The following R3HDM1 variants were observed in gnomAD, a reference collection of about 807,000 sequenced individuals.
R3HDM1 encodes R3H domain-containing protein 1.
In R3HDM1, 46 loss-of-function variants were observed where a neutral mutation model predicts 141.1. The ratio of observed to expected loss-of-function variants is 0.33; its 90% CI spans 0.26 to 0.42. The LOEUF is 0.42. Ranked by LOEUF, R3HDM1 falls within the 10% of genes least tolerant of loss-of-function variation. The pLI is 1.00. For missense variants in R3HDM1, 1,184 were observed against 1,368.3 expected (o/e 0.87, Z 2.12); for synonymous variants, 435 against 472.9 (o/e 0.92, Z 1.04).
At chr2:135,590,862 A>G (rs1414099008) in intron 1 of R3HDM1, 1 of 349,156 alleles carries the variant, frequency 2.9e-6, no homozygotes, top group Non-Finnish European at 4.0e-6. Flanking sequence ...ACTGGCCACA[A>G]AATGCTCTTT....
chr2:135,566,121 A>G (rs1186374145), intron 1 of R3HDM1, among the ~76,000 whole-genome samples: 2 of 152,246 alleles, frequency 1.3e-5, no homozygotes, highest in African/African-American at 4.8e-5. Context: ...AGATATACAT[A>G]TAGTAAAATT....
chr2:135,622,575 T>C, intron 6 of R3HDM1, 79 bp from the exon 7 acceptor site: 8 of 1,471,080 alleles, frequency 5.4e-6, no homozygotes, highest in Non-Finnish European at 1.8e-6. Context: ...ATTTAAGATA[T>C]ATATACATCA....
chr2:135,559,626 C>T (rs1450601960), intron 1 of R3HDM1, among the ~76,000 whole-genome samples: 1 of 152,160 alleles, frequency 6.6e-6, no homozygotes, highest in Non-Finnish European at 1.5e-5. Context: ...GGGCTGAGCC[C>T]CTTGGACCAT....
Position 135,724,103 on chromosome 2 carries a change from C to T in R3HDM1, c.3216C>T (p.Asn1072=), listed in dbSNP as rs569779827. 1.2e-5 allele frequency: 19 copies of T among 1,614,204 alleles called. No individual in the cohort carries two copies. The African/African-American group carries it at 2.3e-4, about 19-fold the overall frequency. The change falls in exon 27 of 27, where the codon AAC becomes AAT. Residue 1072 remains asparagine, a synonymous_variant. Transcript: ENST00000683871. ...RHPLCCGSGD[N]TANPERSKPS... ...CCCTCTGCTGTGGCAGTGGGGACAA[C>T]ACTGCCAACCCTGAACGCTCTAAAC...
chr2:135,591,310 T>C (rs767734897), intron 1 of R3HDM1, among the ~76,000 whole-genome samples: 3 of 152,168 alleles, frequency 2.0e-5, no homozygotes, highest in East Asian at 3.8e-4. Context: ...AAAAAGTATA[T>C]AGAGATACAT....
At chr2:135,557,058 A>T (rs543958629) in intron 1 of R3HDM1, among the ~76,000 whole-genome samples, 23 of 152,316 alleles carry the variant, frequency 1.5e-4, no homozygotes, top group African/African-American at 5.3e-4. Flanking sequence ...ATTGAAGAGC[A>T]TAAGATGAAG....
chr2:135,628,852 C>A (rs1390035074), intron 7 of R3HDM1, among the ~76,000 whole-genome samples: 1 of 152,124 alleles, frequency 6.6e-6, no homozygotes, highest in Non-Finnish European at 1.5e-5. Context: ...TCTTGAACTC[C>A]CTACCTCAGG....
chr2:135,707,848 A>T (rs2075132516), intron 21 of R3HDM1, among the ~76,000 whole-genome samples: 1 of 152,214 alleles, frequency 6.6e-6, no homozygotes, highest in Non-Finnish European at 1.5e-5. Context: ...TTCACTTATG[A>T]TCCAAAATCA....
intron 1 of R3HDM1, among the ~76,000 whole-genome samples, chr2:135,579,126 C>T (rs1179562789): frequency 2.0e-5 from 3 of 152,032 alleles, no homozygotes; most frequent in Middle Eastern, 3.2e-3. Context: ...ATGGGTCCTT[C>T]GAAAAATGGT....
chr2:135,701,648 A>C (rs1228563189), intron 21 of R3HDM1, among the ~76,000 whole-genome samples: 1 of 152,200 alleles, frequency 6.6e-6, no homozygotes, highest in African/African-American at 2.4e-5. Flanking sequence ...TCAGGAGCAA[A>C]GAGTGTCCAT....
intron 19 of R3HDM1, 115 bp from the exon 20 acceptor site, chr2:135,675,217 C>A: frequency 1.9e-6 from 2 of 1,064,212 alleles, no homozygotes; most frequent in South Asian, 2.1e-5. Flanking sequence ...AGGGGCTTAC[C>A]ATTTAATCAA....
At position 135,531,594 on chromosome 2, in the gene R3HDM1, G is replaced by A. The variant is rs1559064698; in HGVS notation, c.-289G>A. ...CACCCAGCCCCGCCGTCGCCCCGCC[G>A]CGCCGCGCTCCAACCGCCTCCTCCT... is the stretch of plus-strand genomic sequence containing the variant. On this transcript the variant is annotated 5_prime_UTR_variant, in exon 1 of 27. Transcript: ENST00000683871. The A allele has an allele frequency of 3.0e-6, 3 of 986,772 alleles. No homozygotes were observed. Among genetic ancestry groups the A allele is most frequent in the Non-Finnish European group, 3.6e-6 (3 of 830,694 alleles). 61.1% of individuals were successfully genotyped at this position (986,772 alleles called of 1,614,324 possible).
At chr2:135,707,390 C>G (rs922980280) in intron 21 of R3HDM1, among the ~76,000 whole-genome samples, 1 of 152,140 alleles carries the variant, frequency 6.6e-6, no homozygotes, top group Non-Finnish European at 1.5e-5. Context: ...CTTGAATTAT[C>G]TATACGTCTC....
chr2:135,654,902 G>GTGTGTA (rs57409498), intron 18 of R3HDM1, among the ~76,000 whole-genome samples: 2,224 of 146,216 alleles, frequency 0.015, 78 homozygotes, highest in African/African-American at 0.053. Context: ...GTGTGTGTGT[G>GTGTGTA]TTTGTCTTTT....
chr2:135,616,905 G>A (rs1249230288), intron 5 of R3HDM1, 148 bp downstream of exon 5: 1 of 659,372 alleles, frequency 1.5e-6, no homozygotes, highest in Admixed American at 3.0e-5. Context: ...TATATGAAAA[G>A]TTAGAAAACC....
chr2:135,622,667 A>G lies in R3HDM1; in HGVS notation c.432A>G (p.Glu144=). 6.2e-7 allele frequency: 1 copy of G among 1,601,194 alleles called. No homozygotes were observed. Among genetic ancestry groups the G allele is most frequent in the Non-Finnish European group, 8.5e-7 (1 of 1,173,316 alleles). The part of the protein sequence containing the change: ...RKMLSRDSSQ[E]YTDSTGIDLH... ...GTTGTTTTTTAGATTCCAGTCAAGA[A>G]TACACTGATTCAACTGGCATAGATC... The change falls in exon 7 of 27, where the codon GAA becomes GAG. Residue 144 remains glutamate (E), a synonymous_variant. Transcript: ENST00000683871.
intron 1 of R3HDM1, among the ~76,000 whole-genome samples, chr2:135,593,201 C>G (rs1159011063): frequency 1.3e-5 from 2 of 151,866 alleles, no homozygotes; most frequent in African/African-American, 4.8e-5. Context: ...ATTACAGGCA[C>G]GAGCCACCAC....
chr2:135,638,347 G>A (rs576747133), intron 11 of R3HDM1, among the ~76,000 whole-genome samples: 30 of 152,164 alleles, frequency 2.0e-4, no homozygotes, highest in Admixed American at 1.2e-3. Context: ...ATGAAAATGG[G>A]TTCACTTATT....
chr2:135,593,550 C>T (rs538019016), intron 1 of R3HDM1, among the ~76,000 whole-genome samples: 21 of 152,206 alleles, frequency 1.4e-4, no homozygotes, highest in Non-Finnish European at 2.8e-4. Flanking sequence ...CAAGAACAGC[C>T]GTTTCATGAT....
Sources: gnomAD v4.1 joint callset for allele counts (sites outside exome capture counted in the v4.1 genomes callset) on GRCh38, gnomAD v4.1.1 for gene constraint, MANE v1.5 for transcripts, NCBI Gene and HGNC (gene_info 2026-07-23, HGNC 2026-07-21) for gene names.